Variants in AGPS observed in about 807,000 individuals in gnomAD.
AGPS encodes the protein alkyldihydroxyacetonephosphate synthase, peroxisomal.
Under a neutral mutation model 90.7 loss-of-function variants are expected in AGPS, and 26 were observed. That is an observed-to-expected ratio of 0.29 (90% CI 0.21 to 0.40). The LOEUF (loss-of-function observed/expected upper bound fraction) is 0.40, where lower values mean the gene tolerates loss of function less well. Ranked by LOEUF, AGPS falls within the 10% of genes least tolerant of loss-of-function variation. The pLI is 1.00. For missense variants in AGPS, 540 were observed against 816.1 expected (o/e 0.66, Z 4.12); for synonymous variants, 294 against 285.3 (o/e 1.03, Z -0.31).
intron 15 of AGPS, 59 bp downstream of exon 15, chr2:177,505,634 T>A (rs777203628): frequency 2.0e-5 from 29 of 1,462,136 alleles, no homozygotes; most frequent in Non-Finnish European, 2.8e-5. Flanking sequence ...TACTTTTTCT[T>A]ACTTTAAGTG....
chr2:177,395,702 A>G (rs1406324665), intron 1 of AGPS, among the ~76,000 whole-genome samples: 1 of 152,216 alleles, frequency 6.6e-6, no homozygotes, highest in Admixed American at 6.5e-5. Flanking sequence ...TATGTCAATT[A>G]TTTTGGAATA....
At chr2:177,479,548 C>T (rs566116373) in intron 10 of AGPS, among the ~76,000 whole-genome samples, 29 of 151,948 alleles carry the variant, frequency 1.9e-4, no homozygotes, top group Non-Finnish European at 2.9e-4. Flanking sequence ...AGCAGATAAA[C>T]GAAGTGAGTT....
chr2:177,466,365 T>C (rs1687448293), intron 9 of AGPS, among the ~76,000 whole-genome samples: 1 of 152,218 alleles, frequency 6.6e-6, no homozygotes, highest in African/African-American at 2.4e-5. Context: ...TGGGTGGTTA[T>C]GGGCAATCCC....
intron 1 of AGPS, among the ~76,000 whole-genome samples, chr2:177,417,144 G>A (rs1339253840): frequency 1.3e-5 from 2 of 152,140 alleles, no homozygotes; most frequent in Admixed American, 6.5e-5. Flanking sequence ...CACAGGGTGA[G>A]CATCCTTAAT....
chr2:177,528,558 T>C (rs888147158), intron 19 of AGPS, among the ~76,000 whole-genome samples: 1 of 152,184 alleles, frequency 6.6e-6, no homozygotes, highest in Non-Finnish European at 1.5e-5. Flanking sequence ...CTTTCTACCA[T>C]TGTTTAGGTC....
chr2:177,501,874 G>C (rs1379972219), intron 14 of AGPS, among the ~76,000 whole-genome samples: 1 of 152,092 alleles, frequency 6.6e-6, no homozygotes, highest in African/African-American at 2.4e-5. Context: ...CACCATGTTG[G>C]TCAGGCTGGT....
intron 8 of AGPS, among the ~76,000 whole-genome samples, chr2:177,453,890 T>TTGGTCAGGC: frequency 6.8e-6 from 1 of 146,408 alleles, no homozygotes; most frequent in Middle Eastern, 3.4e-3. Context: ...TTTCTCCATG[T>TTGGTCAGGC]TGGTCAGGCT....
In AGPS at chr2:177,539,752, A is replaced by T. The variant is rs1456175520; in HGVS notation, c.*1557A>T. 1 of 151,926 alleles carries T rather than the reference A, an allele frequency of 6.6e-6. No homozygotes were observed. Among genetic ancestry groups the T allele is most frequent in the Non-Finnish European group, 1.5e-5 (1 of 67,902 alleles). The allele number at this position is 151,926 out of a possible 1,614,324, so 9.4% of individuals were successfully genotyped here. On this transcript the variant is annotated 3_prime_UTR_variant, in exon 20 of 20. Coordinates refer to ENST00000264167, the MANE Select transcript of AGPS (RefSeq NM_003659.4). ...ATTAAAATTGGCCTCAAACTAATAA[A>T]TCTGTAATTAAATTAGAATTAAATA...
intron 19 of AGPS, among the ~76,000 whole-genome samples, chr2:177,537,283 C>G (rs987028114): frequency 6.6e-6 from 1 of 152,044 alleles, no homozygotes; most frequent in Non-Finnish European, 1.5e-5. Flanking sequence ...CATTGAGTAC[C>G]TTTTGAAATA....
At chr2:177,505,346 A>G (rs1165332048) in intron 14 of AGPS, among the ~76,000 whole-genome samples, 160 bp from the exon 15 acceptor site, 1 of 151,952 alleles carries the variant, frequency 6.6e-6, no homozygotes, top group Non-Finnish European at 1.5e-5. Context: ...AGTCAATTTT[A>G]TTTCGTGGAT....
At chr2:177,531,567 T>C (rs2079137489) in intron 19 of AGPS, among the ~76,000 whole-genome samples, 1 of 152,158 alleles carries the variant, frequency 6.6e-6, no homozygotes, top group Admixed American at 6.6e-5. Context: ...AGCTGTCAGT[T>C]CTTTCCAAAT....
In AGPS at chr2:177,453,558, C is replaced by T. The variant is rs529421541; in HGVS notation, c.870+7932C>T. Among the ~76,000 whole-genome samples, 15 of 152,134 alleles carry T rather than the reference C, an allele frequency of 9.9e-5. 1 individual carries two copies. In the South Asian group the frequency reaches 3.1e-3, roughly 32 times the overall value. On this transcript the variant is annotated intron_variant, in intron 8 of 19. Transcript: ENST00000264167. ...ATGCTGGGATTATAGGCATGAGCCA[C>T]CACAGCCAGCCTAGGTTGCAGACTT...
intron 10 of AGPS, among the ~76,000 whole-genome samples, chr2:177,473,264 A>C (rs1462952070): frequency 2.0e-5 from 3 of 152,156 alleles, no homozygotes; most frequent in African/African-American, 7.2e-5. Flanking sequence ...GTTGAAGAAA[A>C]TAGAGGGAGA....
chr2:177,513,945 G>A, intron 17 of AGPS, 37 bp downstream of exon 17: 1 of 1,486,816 alleles, frequency 6.7e-7, no homozygotes, highest in South Asian at 1.1e-5. Flanking sequence ...TTCTTATTCT[G>A]AAAAAAATGT....
At chr2:177,424,848 T>C (rs1686033532) in intron 2 of AGPS, among the ~76,000 whole-genome samples, 1 of 152,254 alleles carries the variant, frequency 6.6e-6, no homozygotes, top group Non-Finnish European at 1.5e-5. Context: ...CTGAGCTTTT[T>C]TTCATGTTTG....
intron 9 of AGPS, among the ~76,000 whole-genome samples, chr2:177,462,308 G>A (rs938579134): frequency 2.0e-5 from 3 of 148,938 alleles, no homozygotes; most frequent in Non-Finnish European, 3.0e-5. Flanking sequence ...CAGGAGAATG[G>A]CATGAACCTG....
intron 10 of AGPS, among the ~76,000 whole-genome samples, chr2:177,480,234 C>A (rs1687904017): frequency 6.6e-6 from 1 of 152,128 alleles, no homozygotes; most frequent in Non-Finnish European, 1.5e-5. Flanking sequence ...TGGGTATATA[C>A]CCAAAGGATT....
At chr2:177,520,663 T>G (rs1689159253) in intron 17 of AGPS, among the ~76,000 whole-genome samples, 1 of 152,232 alleles carries the variant, frequency 6.6e-6, no homozygotes, top group Non-Finnish European at 1.5e-5. Flanking sequence ...AAATTTTGTC[T>G]TATACAAGTC....
chr2:177,504,719 A>G (rs1046317786), intron 14 of AGPS, among the ~76,000 whole-genome samples: 5 of 152,118 alleles, frequency 3.3e-5, no homozygotes, highest in African/African-American at 1.2e-4. Context: ...AAGATAAACA[A>G]TTTTTCCTTT....
Sources: allele counts gnomAD v4.1 joint callset (sites outside exome capture counted in the v4.1 genomes callset), GRCh38; gene constraint gnomAD v4.1.1; transcripts MANE v1.5; gene names NCBI Gene and HGNC (gene_info 2026-07-23, HGNC 2026-07-21).